KIF26B: variants seen among roughly 807,000 people sequenced by gnomAD.
KIF26B encodes kinesin-like protein KIF26B.
In KIF26B, 63 loss-of-function variants were observed where a neutral mutation model predicts 151.2. The ratio of observed to expected loss-of-function variants is 0.42; its 90% CI spans 0.34 to 0.51. The LOEUF (loss-of-function observed/expected upper bound fraction) is 0.51, where lower values mean the gene tolerates loss of function less well. Ranked by LOEUF, KIF26B falls within the 20% of genes least tolerant of loss-of-function variation. The probability of loss-of-function intolerance (pLI) is 0.07; values close to 1 mark genes in which losing one functional copy is unlikely to be tolerated. For synonymous variants in KIF26B, 1,357 were observed against 1,262.1 expected (o/e 1.08, Z -1.59); for missense variants, 2,813 against 2,913.6 (o/e 0.97, Z 0.79).
At chr1:245,480,529 G>A (rs1482281250) in intron 4 of KIF26B, among the ~76,000 whole-genome samples, 1 of 151,682 alleles carries the variant, frequency 6.6e-6, no homozygotes, top group Non-Finnish European at 1.5e-5. Flanking sequence ...TGCTTCTGTG[G>A]GTTATAGGCC....
In KIF26B at chr1:245,155,980, C is replaced by A. The variant is rs1291734666; in HGVS notation, c.64-302C>A. 3.7e-5 allele frequency among the ~76,000 whole-genome samples: 5 copies of A among 134,994 alleles called. No individual in the cohort carries two copies. The East Asian group carries it at 1.1e-3, about 30-fold the overall frequency. The allele number at this position is 134,994 out of a possible 152,430, so 88.6% of individuals were successfully genotyped here. A position where few individuals can be genotyped will look rare whatever the true frequency, so the allele number is the denominator to read the frequency against. On this transcript the variant is annotated intron_variant, in intron 1 of 14. Coordinates refer to ENST00000407071, the MANE Select transcript of KIF26B (RefSeq NM_018012.4). ...GTGCCGGCTTCAAAAGCGTGGGGCGCTGAACCTATGGATCCCCCCCGCCTT... is the reference window on the plus strand; with the variant it reads ...GTGCCGGCTTCAAAAGCGTGGGGCGATGAACCTATGGATCCCCCCCGCCTT...
intron 5 of KIF26B, among the ~76,000 whole-genome samples, chr1:245,577,778 C>A (rs1187605732): frequency 1.4e-5 from 2 of 146,874 alleles, no homozygotes; most frequent in Non-Finnish European, 3.0e-5. Context: ...GAGCTCCGGG[C>A]GATGCATCCC....
At chr1:245,329,143 T>TGGAGGTGGGGACAGGATA (rs1447428820) in intron 2 of KIF26B, among the ~76,000 whole-genome samples, 11 of 152,230 alleles carry the variant, frequency 7.2e-5, no homozygotes, top group African/African-American at 2.7e-4. Context: ...TTCTATTTTC[T>TGGAGGTGGGGACAGGATA]GGAGGTGGGG....
At position 245,318,894 on chromosome 1, in the gene KIF26B, A is replaced by AAT. The variant is rs1671831863; in HGVS notation, c.466-47940_466-47939insAT. ...AGCCAAGATTGATGAGGAAAAAAAA[A>AAT]CAAAAACCAAAATCTACTGCATTTT... is the stretch of plus-strand genomic sequence containing the variant. On this transcript the variant is annotated intron_variant, in intron 2 of 14. Transcript: ENST00000407071. The surrounding 1 kb of genome is among the most constrained non-coding windows in gnomAD (Gnocchi z 4.0). Among the ~76,000 whole-genome samples the AAT allele has an allele frequency of 6.6e-6, 1 of 151,692 alleles. No individual in the cohort carries two copies.
chr1:245,217,023 A>G (rs1195696416), intron 2 of KIF26B, among the ~76,000 whole-genome samples: 1 of 152,176 alleles, frequency 6.6e-6, no homozygotes, highest in Non-Finnish European at 1.5e-5. Flanking sequence ...TTCCTGACCC[A>G]GCCTCAGAGG....
At position 245,706,790 on chromosome 1, in the gene KIF26B, C is replaced by G. The variant is rs529265784; in HGVS notation, c.*4184C>G. 1 of 152,180 alleles carries G rather than the reference C, an allele frequency of 6.6e-6. No individual in the cohort carries two copies. The highest frequency in any genetic ancestry group is 1.5e-5 in the Non-Finnish European group (1 of 68,054). 9.4% of individuals were successfully genotyped at this position (152,180 alleles called of 1,614,324 possible). A position where few individuals can be genotyped will look rare whatever the true frequency, so the allele number is the denominator to read the frequency against. On this transcript the variant is annotated 3_prime_UTR_variant, in exon 15 of 15. Coordinates refer to ENST00000407071, the MANE Select transcript of KIF26B (RefSeq NM_018012.4). Reference sequence around the variant, plus strand: ...AAGGACACTCTTCAATGCCACCACACGGGAGTCTGGGCAGGGAGGAAAGGC... The same window carrying G: ...AAGGACACTCTTCAATGCCACCACAGGGGAGTCTGGGCAGGGAGGAAAGGC...
intron 2 of KIF26B, among the ~76,000 whole-genome samples, chr1:245,256,015 A>G (rs774498334): frequency 2.6e-5 from 4 of 152,104 alleles, no homozygotes; most frequent in Non-Finnish European, 4.4e-5. Context: ...ACTGTAAGGA[A>G]GTTTTCCTTC....
At chr1:245,300,770 C>A (rs1208702861) in intron 2 of KIF26B, among the ~76,000 whole-genome samples, 1 of 151,156 alleles carries the variant, frequency 6.6e-6, no homozygotes, top group Non-Finnish European at 1.5e-5. Context: ...CTCTGGTGAT[C>A]CACCCGCCTC....
chr1:245,271,334 A>G (rs930270447), intron 2 of KIF26B, among the ~76,000 whole-genome samples: 1 of 151,960 alleles, frequency 6.6e-6, no homozygotes, highest in African/African-American at 2.4e-5. Context: ...TAAATCTATG[A>G]CTCACTTCAG....
chr1:245,414,762 G>A (rs1674377044), intron 3 of KIF26B, among the ~76,000 whole-genome samples: 1 of 152,202 alleles, frequency 6.6e-6, no homozygotes, highest in Non-Finnish European at 1.5e-5. Flanking sequence ...TTTTAGAGAA[G>A]GGACAGAACA....
intron 1 of KIF26B, 45 bp from the exon 2 acceptor site, chr1:245,156,237 G>A: frequency 6.5e-7 from 1 of 1,532,160 alleles, no homozygotes; most frequent in Non-Finnish European, 8.8e-7. Flanking sequence ...GGGCGCTGCA[G>A]CCCGCCGCCT....
intron 2 of KIF26B, among the ~76,000 whole-genome samples, chr1:245,322,984 G>T (rs1333215097): frequency 6.6e-6 from 1 of 152,136 alleles, no homozygotes; most frequent in Non-Finnish European, 1.5e-5. Flanking sequence ...TACTATATTT[G>T]GGTGACCCTG....
At chr1:245,211,096 C>T (rs933408978) in intron 2 of KIF26B, among the ~76,000 whole-genome samples, 6 of 152,240 alleles carry the variant, frequency 3.9e-5, no homozygotes, top group Non-Finnish European at 5.9e-5. Context: ...TGGGCCTGAA[C>T]GGGAGAGACT....
At chr1:245,383,834 A>G (rs1423013950) in intron 3 of KIF26B, among the ~76,000 whole-genome samples, 4 of 152,204 alleles carry the variant, frequency 2.6e-5, no homozygotes, top group African/African-American at 9.6e-5. Flanking sequence ...TAGAGGCTTT[A>G]TTCTTCTAGA....
chr1:245,162,542 C>T (rs1039799811), intron 2 of KIF26B, among the ~76,000 whole-genome samples: 6 of 151,970 alleles, frequency 3.9e-5, no homozygotes, highest in East Asian at 3.9e-4. Flanking sequence ...CCCGCCACCA[C>T]GCCCAGCTAA....
intron 5 of KIF26B, among the ~76,000 whole-genome samples, chr1:245,576,786 G>A (rs2043122352): frequency 6.6e-6 from 1 of 152,182 alleles, no homozygotes; most frequent in Admixed American, 6.5e-5. Flanking sequence ...AGGGGTTTGT[G>A]TGTATCACTT....
intron 5 of KIF26B, among the ~76,000 whole-genome samples, chr1:245,551,529 A>C (rs1661879291): frequency 6.6e-6 from 1 of 152,126 alleles, no homozygotes; most frequent in Admixed American, 6.5e-5. Context: ...CCTTTCCCCT[A>C]CCTTGTTCCG....
intron 3 of KIF26B, among the ~76,000 whole-genome samples, chr1:245,405,835 G>A (rs1674123145): frequency 1.3e-5 from 2 of 152,126 alleles, no homozygotes; most frequent in Admixed American, 6.5e-5. Context: ...TATTTCTGCA[G>A]TTGGCAAACA....
At chr1:245,598,726 G>A (rs978489334) in intron 5 of KIF26B, among the ~76,000 whole-genome samples, 4 of 152,180 alleles carry the variant, frequency 2.6e-5, no homozygotes, top group Non-Finnish European at 5.9e-5. Context: ...TCCAGAACAA[G>A]GTGCTGAACT....
Sources: allele counts gnomAD v4.1 joint callset (sites outside exome capture counted in the v4.1 genomes callset), GRCh38; gene constraint gnomAD v4.1.1; non-coding constraint Gnocchi (gnomAD v3.1); transcripts MANE v1.5; gene names NCBI Gene and HGNC (gene_info 2026-07-23, HGNC 2026-07-21).